The following MGAT4C variants were observed in gnomAD, a reference collection of about 807,000 sequenced individuals.
MGAT4C encodes alpha-1,3-mannosyl-glycoprotein 4-beta-N-acetylglucosaminyltransferase C.
In MGAT4C, 19 loss-of-function variants were observed where a neutral mutation model predicts 40.1. The ratio of observed to expected loss-of-function variants is 0.47; its 90% CI spans 0.33 to 0.70. MGAT4C has a LOEUF of 0.70. MGAT4C is among the 30% of genes least tolerant of loss of function. The pLI is 0.02. For missense variants in MGAT4C, 491 were observed against 563.2 expected, an observed-to-expected ratio of 0.87 and a Z score of 1.30; for synonymous variants, 181 against 187.1, an observed-to-expected ratio of 0.97 and a Z score of 0.27.
intron 2 of MGAT4C, among the ~76,000 whole-genome samples, chr12:86,645,605 G>A (rs763734635): frequency 6.6e-6 from 1 of 151,668 alleles, no homozygotes; most frequent in African/African-American, 2.4e-5. Context: ...ATCTTAGCAA[G>A]TTTTTAAGGT....
chr12:86,345,313 T>G (rs1221357140), intron 3 of MGAT4C, among the ~76,000 whole-genome samples: 1 of 152,054 alleles, frequency 6.6e-6, no homozygotes, highest in African/African-American at 2.4e-5. Context: ...TTAGGGTACA[T>G]GTGCACAACG....
At chr12:86,511,613 C>A (rs1958588078) in intron 2 of MGAT4C, among the ~76,000 whole-genome samples, 1 of 152,072 alleles carries the variant, frequency 6.6e-6, no homozygotes, top group African/African-American at 2.4e-5. Context: ...ATACAGTCAA[C>A]TGATCTTTGA....
chr12:86,764,110 C>CA (rs1404795039), intron 1 of MGAT4C, among the ~76,000 whole-genome samples: 5 of 152,246 alleles, frequency 3.3e-5, no homozygotes, highest in Admixed American at 6.5e-5. Context: ...CTTTCCTAGT[C>CA]AAAGAAAGGG....
chr12:86,430,915 T>C (rs541726778), intron 3 of MGAT4C, among the ~76,000 whole-genome samples: 33 of 152,230 alleles, frequency 2.2e-4, no homozygotes, highest in Non-Finnish European at 4.3e-4. Context: ...CATTTGCTTC[T>C]TTAAAATTCA....
At chr12:86,695,280 G>A (rs1186686503) in intron 2 of MGAT4C, among the ~76,000 whole-genome samples, 6 of 152,208 alleles carry the variant, frequency 3.9e-5, no homozygotes, top group East Asian at 3.9e-4. Context: ...AAATGCTGTC[G>A]AGGAAATAGA....
chr12:86,425,645 T>C (rs953615439), intron 3 of MGAT4C, among the ~76,000 whole-genome samples: 2 of 152,224 alleles, frequency 1.3e-5, no homozygotes, highest in African/African-American at 4.8e-5. Flanking sequence ...CACTGTTAAG[T>C]TGCAGATGGT....
Position 86,466,213 on chromosome 12 carries a change from AAAAAC to A in MGAT4C, c.-228-30953_-228-30949del, listed in dbSNP as rs1470145151. On this transcript the variant is annotated intron_variant, in intron 2 of 7. Transcript: ENST00000548651. The stretch of plus-strand genomic sequence containing the variant: ...GCAAGAGATCAAGACTCCGTCAAAA[AAAAAC>A]AAAAACAAAAACCCAAATGTGGATT... Among the ~76,000 whole-genome samples the A allele has an allele frequency of 2.6e-5, 4 of 151,580 alleles. No individual in the cohort carries two copies. In the East Asian group the frequency reaches 7.8e-4, roughly 30 times the overall value.
chr12:86,369,285 G>A (rs1159118624), intron 3 of MGAT4C, among the ~76,000 whole-genome samples: 1 of 151,640 alleles, frequency 6.6e-6, no homozygotes, highest in Non-Finnish European at 1.5e-5. Context: ...GCATATAGTG[G>A]GATCTTTTAA....
intron 1 of MGAT4C, among the ~76,000 whole-genome samples, chr12:86,824,373 T>C (rs997214919): frequency 6.6e-5 from 10 of 151,504 alleles, no homozygotes; most frequent in Non-Finnish European, 5.9e-5. Flanking sequence ...CTAAGATTTA[T>C]GTTAAGAATG....
chr12:86,075,800 C>T (rs1233012688), intron 1 of MGAT4C, among the ~76,000 whole-genome samples: 1 of 152,242 alleles, frequency 6.6e-6, no homozygotes, highest in Non-Finnish European at 1.5e-5. Context: ...CTTTCAGCCA[C>T]AGCTGGAGCA....
chr12:86,358,931 T>G (rs138193218), intron 3 of MGAT4C, among the ~76,000 whole-genome samples: 12,904 of 152,156 alleles, frequency 0.085, 763 homozygotes, highest in Middle Eastern at 0.22. Flanking sequence ...GACAGAAAGT[T>G]AACAAGGATA....
At chr12:86,418,241 C>A (rs1956755959) in intron 3 of MGAT4C, among the ~76,000 whole-genome samples, 1 of 152,034 alleles carries the variant, frequency 6.6e-6, no homozygotes, top group African/African-American at 2.4e-5. Flanking sequence ...ATTTGTGAAT[C>A]ATTCATATAA....
intron 2 of MGAT4C, chr12:86,011,918 A>C: frequency 6.4e-6 from 6 of 936,840 alleles, no homozygotes; most frequent in Non-Finnish European, 7.6e-6. Context: ...AATAGCAATC[A>C]CACAAATGAA....
Position 86,718,408 on chromosome 12 carries a change from T to C in MGAT4C, c.-229+8801A>G, listed in dbSNP as rs76031507. Reference sequence around the variant, plus strand: ...TGAGTGTTTGTCTCACCTGTGTCTTTCATGCAGCAGCAGTCACACAATGTC... The same window carrying C: ...TGAGTGTTTGTCTCACCTGTGTCTTCCATGCAGCAGCAGTCACACAATGTC... On this transcript the variant is annotated intron_variant, in intron 2 of 7. Transcript: ENST00000548651. Among the ~76,000 whole-genome samples, 1,181 of 152,326 alleles carry C rather than the reference T, an allele frequency of 7.8e-3. 12 individuals are homozygous for C. Among genetic ancestry groups the C allele is most frequent in the African/African-American group, 0.027 (1,115 of 41,570 alleles).
chr12:86,464,942 T>C (rs1459176408), intron 2 of MGAT4C, among the ~76,000 whole-genome samples: 1 of 152,132 alleles, frequency 6.6e-6, no homozygotes, highest in Non-Finnish European at 1.5e-5. Context: ...ATTCACACTA[T>C]TTTGTTGGGT....
intron 2 of MGAT4C, among the ~76,000 whole-genome samples, chr12:86,018,182 TA>T (rs1889283809): frequency 6.6e-6 from 1 of 152,110 alleles, no homozygotes; most frequent in African/African-American, 2.4e-5. Context: ...TCTGTGGCCC[TA>T]AGTAGAGGTG....
rs556985835 is a variant in MGAT4C, at chr12:86,681,996, A to C, written c.-229+45213T>G. Among the ~76,000 whole-genome samples the C allele has an allele frequency of 4.2e-4, 64 of 152,170 alleles. No individual in the cohort carries two copies. In the South Asian group the frequency reaches 0.013, roughly 30 times the overall value. Reference sequence around the variant, plus strand: ...CCTATAGAGACAATATAGCTTTGAAAGACAGCATGCACAAAATGGCCATTA... The same window carrying C: ...CCTATAGAGACAATATAGCTTTGAACGACAGCATGCACAAAATGGCCATTA... On this transcript the variant is annotated intron_variant, in intron 2 of 7. Coordinates refer to the MGAT4C transcript ENST00000548651.
chr12:86,215,137 G>A (rs1222286900), intron 1 of MGAT4C, among the ~76,000 whole-genome samples: 1 of 151,982 alleles, frequency 6.6e-6, no homozygotes, highest in Non-Finnish European at 1.5e-5. Context: ...AATGCTTCTG[G>A]AGCAAGCTAG....
At chr12:86,178,659 C>A (rs911824822) in intron 1 of MGAT4C, among the ~76,000 whole-genome samples, 1 of 152,158 alleles carries the variant, frequency 6.6e-6, no homozygotes, top group Non-Finnish European at 1.5e-5. Context: ...CTAATGACTG[C>A]TTGCCTTTAG....
Sources: allele counts gnomAD v4.1 joint callset (sites outside exome capture counted in the v4.1 genomes callset), GRCh38; gene constraint gnomAD v4.1.1; transcripts MANE v1.5; gene names NCBI Gene and HGNC (gene_info 2026-07-23, HGNC 2026-07-21).